Variants in HYDIN observed in about 807,000 individuals in gnomAD.
HYDIN encodes HYDIN axonemal central pair apparatus protein, also known as axonemal central pair apparatus protein HYDIN.
In HYDIN, 132 loss-of-function variants were observed where a neutral mutation model predicts 403.9. That is an observed-to-expected ratio of 0.33 (90% confidence interval 0.28 to 0.38). HYDIN has a LOEUF of 0.38. HYDIN is among the 10% of genes least tolerant of loss of function. The pLI is 1.00. For synonymous variants in HYDIN, 1,202 were observed against 1,891.7 expected, an observed-to-expected ratio of 0.64 and a Z score of 9.46; for missense variants, 2,827 against 5,009.5, an observed-to-expected ratio of 0.56 and a Z score of 13.15.
chr16:71,179,086 T>C (rs1302152803), intron 3 of HYDIN, 39 bp from the exon 4 acceptor site: 10 of 1,550,380 alleles, frequency 6.5e-6, no homozygotes, highest in Non-Finnish European at 8.8e-6. Flanking sequence ...TAGTCACACA[T>C]TGACAAAAAT....
intron 1 of HYDIN, among the ~76,000 whole-genome samples, chr16:71,228,055 T>A (rs1294152564): frequency 6.6e-6 from 1 of 152,174 alleles, no homozygotes; most frequent in African/African-American, 2.4e-5. Flanking sequence ...AAACAAGAAA[T>A]GGGGAAAGGA....
chr16:71,214,043 C>T (rs2088738404), intron 1 of HYDIN, among the ~76,000 whole-genome samples: 2 of 151,874 alleles, frequency 1.3e-5, no homozygotes, highest in Admixed American at 1.3e-4. Flanking sequence ...AAAAAGCTGA[C>T]ATAAATTATT....
At chr16:70,948,652 T>A (rs188041712) in intron 41 of HYDIN, among the ~76,000 whole-genome samples, 5,139 of 151,478 alleles carry the variant, frequency 0.034, 113 homozygotes, top group Non-Finnish European at 0.05. Context: ...GCAAAGGACA[T>A]GAACAGACAC....
chr16:71,090,467 A>G (rs1022568493), intron 11 of HYDIN: 1 of 152,174 alleles, frequency 6.6e-6, no homozygotes, highest in Non-Finnish European at 1.5e-5. Flanking sequence ...GTGCTTAAAA[A>G]TGACAGAGAC....
At chr16:70,847,228 C>T (rs1338392535) in intron 75 of HYDIN, among the ~76,000 whole-genome samples, 1 of 152,106 alleles carries the variant, frequency 6.6e-6, no homozygotes, top group Non-Finnish European at 1.5e-5. Context: ...TTTCTTTGTG[C>T]TATTACCACA....
chr16:71,181,101 T>C (rs2086882470), intron 3 of HYDIN, among the ~76,000 whole-genome samples: 1 of 151,830 alleles, frequency 6.6e-6, no homozygotes, highest in African/African-American at 2.4e-5. Flanking sequence ...AAGACCTAAC[T>C]GAATGCAGGA....
At chr16:70,945,904 T>G (rs2077844273) in intron 41 of HYDIN, among the ~76,000 whole-genome samples, 1 of 150,466 alleles carries the variant, frequency 6.6e-6, no homozygotes, top group Non-Finnish European at 1.5e-5. Flanking sequence ...GGGGTGGGTG[T>G]GAGGACGAGG....
At chr16:71,181,537 A>C (rs4477712) in intron 3 of HYDIN, among the ~76,000 whole-genome samples, 1 of 152,040 alleles carries the variant, frequency 6.6e-6, no homozygotes, top group African/African-American at 2.4e-5. Context: ...TCTTGATTAT[A>C]TAAGTGGAAT....
At chr16:70,885,092 G>A (rs1342707086) in intron 58 of HYDIN, among the ~76,000 whole-genome samples, 2 of 151,464 alleles carry the variant, frequency 1.3e-5, no homozygotes, top group East Asian at 1.9e-4. Flanking sequence ...CTACCTATCC[G>A]TGAGTGATAA....
intron 41 of HYDIN, among the ~76,000 whole-genome samples, chr16:70,944,264 T>G (rs1567878467): frequency 6.6e-6 from 1 of 152,236 alleles, no homozygotes; most frequent in Non-Finnish European, 1.5e-5. Flanking sequence ...CAACAAACAA[T>G]GGCGCTGCCC....
chr16:71,134,046 T>C (rs1453552047), intron 8 of HYDIN, among the ~76,000 whole-genome samples: 3 of 151,818 alleles, frequency 2.0e-5, no homozygotes, highest in Non-Finnish European at 4.4e-5. Flanking sequence ...TTGAGGTAGG[T>C]GTGGAGGAAG....
intron 47 of HYDIN, among the ~76,000 whole-genome samples, chr16:70,910,184 T>A (rs2143783915): frequency 6.6e-6 from 1 of 152,296 alleles, no homozygotes. Flanking sequence ...GGTGCACCCA[T>A]CACCCGAGCA....
chr16:70,910,158 C>T (rs199825345), intron 47 of HYDIN, among the ~76,000 whole-genome samples: 5 of 151,998 alleles, frequency 3.3e-5, no homozygotes, highest in Admixed American at 2.0e-4. Context: ...TTTCTGGTGG[C>T]GATTTGTGAG....
chr16:71,213,535 T>A (rs2088705122), intron 1 of HYDIN, among the ~76,000 whole-genome samples: 1 of 151,982 alleles, frequency 6.6e-6, no homozygotes, highest in Admixed American at 6.6e-5. Context: ...AGAGTGACAA[T>A]GCCCAAACTA....
chr16:70,995,738 G>C (rs1180094199), intron 23 of HYDIN, among the ~76,000 whole-genome samples: 2 of 152,208 alleles, frequency 1.3e-5, no homozygotes, highest in Non-Finnish European at 2.9e-5. Flanking sequence ...AGGTGGCAGG[G>C]AGGGGTGGGC....
At chr16:71,130,589 G>A (rs896274529) in intron 8 of HYDIN, among the ~76,000 whole-genome samples, 13 of 141,618 alleles carry the variant, frequency 9.2e-5, no homozygotes, top group Middle Eastern at 3.7e-3. Context: ...CCGGGTTCAC[G>A]CCATTCTCCT....
At chr16:70,898,373 G>A (rs1286518452) in intron 53 of HYDIN, among the ~76,000 whole-genome samples, 4 of 151,898 alleles carry the variant, frequency 2.6e-5, no homozygotes, top group Non-Finnish European at 5.9e-5. Context: ...ACCAGCCAGG[G>A]GTCTGGGTAC....
At chr16:71,188,700 C>T (rs988903311) in intron 1 of HYDIN, among the ~76,000 whole-genome samples, 1 of 152,058 alleles carries the variant, frequency 6.6e-6, no homozygotes, top group African/African-American at 2.4e-5. Context: ...TTAGTAAGAC[C>T]TGTTAGGTGG....
At position 70,850,546 on chromosome 16, in the gene HYDIN, C is replaced by A; in HGVS notation, c.12553G>T (p.Glu4185Ter). 6.2e-7 allele frequency: 1 copy of A among 1,611,168 alleles called. No individual in the cohort carries two copies. The highest frequency in any genetic ancestry group is 1.1e-5 in the South Asian group (1 of 90,640). ...VHPVTLNVKA[E>*]GYTMNVEIKC... The stretch of plus-strand genomic sequence containing the variant: ...ATCTCCACATTCATAGTGTAGCCCT[C>A]GGCCTTGACATTTAATGTCACAGGG... The change falls in exon 74 of 86, where the codon GAG becomes TAG. Residue 4185 changes from glutamate to a stop codon, truncating the protein, a stop_gained. Coordinates refer to ENST00000393567, the MANE Select transcript of HYDIN (RefSeq NM_001270974.2). LOFTEE classifies it high-confidence loss of function.
Sources: gnomAD v4.1 joint callset for allele counts (sites outside exome capture counted in the v4.1 genomes callset) on GRCh38, gnomAD v4.1.1 for gene constraint, MANE v1.5 for transcripts, NCBI Gene and HGNC (gene_info 2026-07-23, HGNC 2026-07-21) for gene names.